The following SUCLG2 variants were observed in gnomAD, a reference collection of about 807,000 sequenced individuals.
SUCLG2 encodes the protein succinate--CoA ligase [GDP-forming] subunit beta, mitochondrial.
A neutral mutation model predicts 47.9 loss-of-function variants in SUCLG2; 42 were observed. That is an observed-to-expected ratio of 0.88 (90% CI 0.69 to 1.14). SUCLG2 has a LOEUF of 1.14. Among genes scored for constraint, SUCLG2 ranks in the 50% most tolerant of loss-of-function variants. SUCLG2 has a pLI of 0.00. For missense variants in SUCLG2, 571 were observed against 525.9 expected (o/e 1.09, Z -0.84); for synonymous variants, 195 against 197.3 (o/e 0.99, Z 0.10).
intron 2 of SUCLG2, among the ~76,000 whole-genome samples, chr3:67,538,813 T>C (rs776742373): frequency 6.6e-6 from 1 of 152,212 alleles, no homozygotes; most frequent in Non-Finnish European, 1.5e-5. Flanking sequence ...TTATTCCCTT[T>C]GTAGCAATTG....
At chr3:67,603,134 G>A (rs1256144373) in intron 2 of SUCLG2, among the ~76,000 whole-genome samples, 1 of 152,158 alleles carries the variant, frequency 6.6e-6, no homozygotes, top group Non-Finnish European at 1.5e-5. Flanking sequence ...TCAAAATAAT[G>A]GGCAGCTGAT....
chr3:67,461,912 G>T lies in SUCLG2; in HGVS notation c.1062+33886C>A, dbSNP rs539294477. 2.6e-5 allele frequency among the ~76,000 whole-genome samples: 4 copies of T among 152,126 alleles called. 1 individual carries two copies. The South Asian group carries it at 8.3e-4, about 32-fold the overall frequency. On this transcript the variant is annotated intron_variant, in intron 9 of 10. Transcript: ENST00000307227. ...GAACATTCTGGGAGAAGGGTCTCTGGAACAGATGGTAGAGATCATGCCAGC... is the reference window on the plus strand; with the variant it reads ...GAACATTCTGGGAGAAGGGTCTCTGTAACAGATGGTAGAGATCATGCCAGC...
chr3:67,581,740 T>TG (rs1487704615), intron 2 of SUCLG2, among the ~76,000 whole-genome samples: 1 of 152,168 alleles, frequency 6.6e-6, no homozygotes, highest in Non-Finnish European at 1.5e-5. Context: ...AGACACTTCT[T>TG]GGAGTATTAG....
rs115794022 is a variant in SUCLG2, at chr3:67,549,824, T to A, written c.227-20638A>T. 6.6e-3 allele frequency among the ~76,000 whole-genome samples: 1,003 copies of A among 152,222 alleles called. 5 individuals are homozygous for A. The highest frequency in any genetic ancestry group is 0.022 in the African/African-American group (933 of 41,536). ...CCAAGATATTAACTCTGATTACTGG[T>A]AGAGAAAGGTTGTAATGGATAAATT... On this transcript the variant is annotated intron_variant, in intron 2 of 10. Coordinates refer to ENST00000307227, the MANE Select transcript of SUCLG2 (RefSeq NM_003848.4).
rs1332993396 is a variant in SUCLG2 at position 67,400,928 on chromosome 3, A to T, written c.1063-77T>A. 2.3e-5 allele frequency: 36 copies of T among 1,585,810 alleles called. 1 individual carries two copies. Among genetic ancestry groups the T allele is most frequent in the Admixed American group, 2.0e-4 (11 of 53,758 alleles). On this transcript the variant is annotated intron_variant, in intron 9 of 10. Transcript: ENST00000307227. ...TCAAAAATAACTGGTTAAATAATAG[A>T]GACAATTAAAATAAGACTGCTCGTT...
intron 9 of SUCLG2, among the ~76,000 whole-genome samples, chr3:67,414,178 G>T (rs576404071): frequency 6.6e-5 from 10 of 152,272 alleles, no homozygotes; most frequent in African/African-American, 2.4e-4. Flanking sequence ...GTCTTGAGTA[G>T]GTGATGCTTC....
At chr3:67,470,414 A>G (rs1016652715) in intron 9 of SUCLG2, among the ~76,000 whole-genome samples, 1 of 152,214 alleles carries the variant, frequency 6.6e-6, no homozygotes, top group African/African-American at 2.4e-5. Context: ...ACAATGATGC[A>G]ATGGTTTGAA....
chr3:67,451,903 A>C (rs1451520501), intron 9 of SUCLG2, among the ~76,000 whole-genome samples: 1 of 152,214 alleles, frequency 6.6e-6, no homozygotes, highest in Non-Finnish European at 1.5e-5. Context: ...CAACCCCGTC[A>C]ATGAAAGCAT....
intron 2 of SUCLG2, among the ~76,000 whole-genome samples, chr3:67,608,799 T>C (rs1700472186): frequency 6.6e-6 from 1 of 151,888 alleles, no homozygotes; most frequent in African/African-American, 2.4e-5. Context: ...TGCCAAAGCC[T>C]CCAGAGTAGC....
At chr3:67,402,504 C>T (rs931887357) in intron 9 of SUCLG2, among the ~76,000 whole-genome samples, 6 of 152,210 alleles carry the variant, frequency 3.9e-5, no homozygotes, top group Admixed American at 3.9e-4. Context: ...AGTAGGACAA[C>T]TGGTAAGCAG....
chr3:67,562,355 G>A (rs780269855), intron 2 of SUCLG2, among the ~76,000 whole-genome samples: 2 of 151,606 alleles, frequency 1.3e-5, no homozygotes, highest in Non-Finnish European at 2.9e-5. Context: ...TCGGCTCATT[G>A]CAACCTCCAC....
chr3:67,378,340 G>A lies in SUCLG2; in HGVS notation c.1184-2481C>T, dbSNP rs545703411. 5.3e-5 allele frequency among the ~76,000 whole-genome samples: 8 copies of A among 152,312 alleles called. No individual in the cohort carries two copies. In the East Asian group the frequency reaches 1.5e-3, roughly 29 times the overall value. On this transcript the variant is annotated intron_variant, in intron 10 of 10. Coordinates refer to ENST00000307227, the MANE Select transcript of SUCLG2 (RefSeq NM_003848.4). ...CTGAGACTAGGTTACAAAAGCCTGT[G>A]GCTTCAGTCTTGCTCCCTTTAACTC...
intron 9 of SUCLG2, among the ~76,000 whole-genome samples, chr3:67,426,043 C>T (rs1234409597): frequency 6.6e-6 from 1 of 152,100 alleles, no homozygotes; most frequent in Non-Finnish European, 1.5e-5. Context: ...TAATATATGA[C>T]ACAATTCCTA....
chr3:67,471,249 G>A (rs956029136), intron 9 of SUCLG2, among the ~76,000 whole-genome samples: 12 of 152,172 alleles, frequency 7.9e-5, no homozygotes, highest in South Asian at 4.1e-4. Context: ...GGCTTCAGCC[G>A]TGATTATGAG....
At chr3:67,571,525 C>A (rs1707607305) in intron 2 of SUCLG2, among the ~76,000 whole-genome samples, 1 of 152,152 alleles carries the variant, frequency 6.6e-6, no homozygotes, top group South Asian at 2.1e-4. Flanking sequence ...AGGCAAATAT[C>A]CAAACCCTTG....
At chr3:67,593,434 T>C (rs73836542) in intron 2 of SUCLG2, among the ~76,000 whole-genome samples, 1,893 of 152,242 alleles carry the variant, frequency 0.012, 54 homozygotes, top group African/African-American at 0.043. Context: ...AATAGCATAT[T>C]CAATCGGTCT....
At chr3:67,453,311 T>A (rs1704102299) in intron 9 of SUCLG2, among the ~76,000 whole-genome samples, 1 of 152,074 alleles carries the variant, frequency 6.6e-6, no homozygotes, top group South Asian at 2.1e-4. Context: ...ACAACAGAAA[T>A]TTATTTCTCA....
At position 67,459,115 on chromosome 3, in the gene SUCLG2, A is replaced by AC. The variant is rs1704261681; in HGVS notation, c.1062+36682dup. On this transcript the variant is annotated intron_variant, in intron 9 of 10. Coordinates refer to ENST00000307227, the MANE Select transcript of SUCLG2 (RefSeq NM_003848.4). ...TGCCTCTGATCTTGGTGACCAGTGA[A>AC]CCATTCAAAGGGCAGCTGTTTTGTG... Among the ~76,000 whole-genome samples, 4 of 151,804 alleles carry AC rather than the reference A, an allele frequency of 2.6e-5. No homozygotes were observed. The South Asian group carries it at 8.3e-4, about 32-fold the overall frequency.
At chr3:67,398,631 G>C (rs576656349) in intron 10 of SUCLG2, among the ~76,000 whole-genome samples, 1 of 152,136 alleles carries the variant, frequency 6.6e-6, no homozygotes, top group South Asian at 2.1e-4. Context: ...CAGGGATCTA[G>C]AACTAGAAAT....
Sources: gnomAD v4.1 joint callset for allele counts (sites outside exome capture counted in the v4.1 genomes callset) on GRCh38, gnomAD v4.1.1 for gene constraint, MANE v1.5 for transcripts, NCBI Gene and HGNC (gene_info 2026-07-23, HGNC 2026-07-21) for gene names.